The following CLIC5 variants were observed in gnomAD, a reference collection of about 807,000 sequenced individuals.
CLIC5 encodes the protein chloride intracellular channel protein 5.
A neutral mutation model predicts 24.7 loss-of-function variants in CLIC5; 20 were observed. The observed-to-expected ratio is 0.81, with a 90% confidence interval of 0.57 to 1.18. The LOEUF is 1.18. Ranked by LOEUF, CLIC5 falls within the 50% of genes most tolerant of loss-of-function variation. CLIC5 has a pLI of 0.00. For missense variants in CLIC5, 341 were observed against 326.1 expected (o/e 1.05, Z -0.35); for synonymous variants, 159 against 135.6 (o/e 1.17, Z -1.20).
intron 3 of CLIC5, among the ~76,000 whole-genome samples, chr6:45,948,356 C>A (rs931665075): frequency 6.6e-6 from 1 of 152,142 alleles, no homozygotes; most frequent in Non-Finnish European, 1.5e-5. Flanking sequence ...TCACCAATGG[C>A]TCCCCAGAAT....
chr6:45,968,134 T>G (rs1253612207), intron 1 of CLIC5, among the ~76,000 whole-genome samples: 1 of 152,154 alleles, frequency 6.6e-6, no homozygotes, highest in Non-Finnish European at 1.5e-5. Flanking sequence ...CATAAGGCAG[T>G]CAAATGCTCA....
Position 45,978,901 on chromosome 6 carries a change from G to A in CLIC5, c.64-23657C>T, listed in dbSNP as rs188113170. ...GGATGCGGAGGTTGCAGTGAGCCAA[G>A]ATTGCACCATTGCACTCCAGCCTGG... On this transcript the variant is annotated intron_variant, in intron 1 of 5. Coordinates refer to ENST00000339561, the MANE Select transcript of CLIC5 (RefSeq NM_016929.5). Among the ~76,000 whole-genome samples, 14 of 151,452 alleles carry A rather than the reference G, an allele frequency of 9.2e-5. No homozygotes were observed. The East Asian group carries it at 2.7e-3, about 29-fold the overall frequency.
chr6:46,065,120 G>A (rs1461860423), intron 1 of CLIC5, among the ~76,000 whole-genome samples: 1 of 152,068 alleles, frequency 6.6e-6, no homozygotes, highest in Non-Finnish European at 1.5e-5. Context: ...ATTTGAATAG[G>A]TGCTTCACCA....
At chr6:45,974,520 TATAGAGAGAGAGAGAG>T (rs1239172751) in intron 1 of CLIC5, among the ~76,000 whole-genome samples, 123 of 66,938 alleles carry the variant, frequency 1.8e-3, no homozygotes, top group African/African-American at 7.5e-3. Flanking sequence ...TATATATATA[TATAGAGAGAGAGAGAG>T]AGAGAGAGAG....
In CLIC5 at chr6:45,944,682, C is replaced by T. The variant is rs567709913; in HGVS notation, c.300-3029G>A. ...TGACTTCTCACTGACTAGCCACAGC[C>T]AACCAAGACACTGAACAAAAGGATA... On this transcript the variant is annotated intron_variant, in intron 3 of 5. Coordinates refer to ENST00000339561, the MANE Select transcript of CLIC5 (RefSeq NM_016929.5). Among the ~76,000 whole-genome samples, 6 of 152,152 alleles carry T rather than the reference C, an allele frequency of 3.9e-5. No individual in the cohort carries two copies. The South Asian group carries it at 1.0e-3, about 26-fold the overall frequency.
At chr6:45,925,177 A>G (rs376734604) in intron 4 of CLIC5, among the ~76,000 whole-genome samples, 1 of 152,248 alleles carries the variant, frequency 6.6e-6, no homozygotes, top group African/African-American at 2.4e-5. Context: ...CATGGTTCAT[A>G]GTAAAATGCT....
chr6:46,058,418 C>A (rs1015419576), intron 1 of CLIC5, among the ~76,000 whole-genome samples: 1 of 152,186 alleles, frequency 6.6e-6, no homozygotes, highest in East Asian at 1.9e-4. Context: ...AAGGAATTTC[C>A]TCCAAGGCTA....
chr6:46,011,723 T>C (rs1581860877), intron 1 of CLIC5, among the ~76,000 whole-genome samples: 1 of 152,312 alleles, frequency 6.6e-6, no homozygotes, highest in South Asian at 2.1e-4. Flanking sequence ...GCACATCCTG[T>C]GTTTGTCTTT....
At chr6:45,964,019 A>G (rs2127396608) in intron 1 of CLIC5, among the ~76,000 whole-genome samples, 1 of 152,302 alleles carries the variant, frequency 6.6e-6, no homozygotes, top group Non-Finnish European at 1.5e-5. Context: ...TGGCCTTGGT[A>G]TGTCTTCCAA....
intron 5 of CLIC5, among the ~76,000 whole-genome samples, chr6:45,907,348 A>G (rs1762688869): frequency 6.6e-6 from 1 of 152,206 alleles, no homozygotes; most frequent in South Asian, 2.1e-4. Context: ...GTGTATGTTG[A>G]ACCAACCATG....
chr6:45,913,841 G>A lies in CLIC5; in HGVS notation c.588+387C>T. 9.3e-6 allele frequency: 11 copies of A among 1,185,654 alleles called. No individual in the cohort carries two copies. In the South Asian group the frequency reaches 4.3e-4, roughly 46 times the overall value. 73.4% of individuals were successfully genotyped at this position (1,185,654 alleles called of 1,614,324 possible). ...TGCACAAAGAAAAAATGCATATGAG[G>A]GCACATTTAATAGAGCTGTAGGGGT... On this transcript the variant is annotated intron_variant, in intron 5 of 5. Transcript: ENST00000339561.
intron 2 of CLIC5, among the ~76,000 whole-genome samples, chr6:45,950,672 C>T (rs1342605941): frequency 6.6e-6 from 1 of 152,156 alleles, no homozygotes; most frequent in Non-Finnish European, 1.5e-5. Context: ...TTGGTAAAAA[C>T]TTCAATCCAG....
At chr6:46,119,574 C>T in the CLIC5 span, among the ~76,000 whole-genome samples, 103 of 152,310 alleles carry the variant, frequency 6.8e-4, no homozygotes, top group South Asian at 1.2e-3. Context: ...TGAGGCTTGT[C>T]GGACAGTGGG....
intron 4 of CLIC5, among the ~76,000 whole-genome samples, chr6:45,930,719 C>T (rs1763704003): frequency 6.6e-6 from 1 of 152,166 alleles, no homozygotes; most frequent in Admixed American, 6.5e-5. Flanking sequence ...AAATTAATAG[C>T]AGCAGCAGCA....
rs375046181 is a variant in CLIC5, at chr6:45,899,927, G to A, written c.*3161C>T. 1 of 152,274 alleles carries A rather than the reference G, an allele frequency of 6.6e-6. No individual in the cohort carries two copies. Among genetic ancestry groups the A allele is most frequent in the East Asian group, 1.9e-4 (1 of 5,188 alleles). The allele number at this position is 152,274 out of a possible 1,614,324, so 9.4% of individuals were successfully genotyped here. On this transcript the variant is annotated 3_prime_UTR_variant, in exon 6 of 6. Coordinates refer to ENST00000339561, the MANE Select transcript of CLIC5 (RefSeq NM_016929.5). ...ATTTCAGCTCATTTGCTTAGTGCTA[G>A]GTCACTCTACCTCTCGTTTAAAAGA... is the stretch of plus-strand genomic sequence containing the variant.
At chr6:45,948,776 TC>T (rs2127378872) in intron 3 of CLIC5, among the ~76,000 whole-genome samples, 1 of 152,286 alleles carries the variant, frequency 6.6e-6, no homozygotes, top group African/African-American at 2.4e-5. Flanking sequence ...ATTTTTTTCA[TC>T]TGTTTAATTG....
chr6:45,883,523 T>C (rs1455932364), intron 6 of CLIC5, among the ~76,000 whole-genome samples: 1 of 152,190 alleles, frequency 6.6e-6, no homozygotes, highest in Non-Finnish European at 1.5e-5. Flanking sequence ...GGCAGTGTCA[T>C]CACTGAGGAG....
chr6:46,082,210 A>T (rs1247199323), upstream of CLIC5, among the ~76,000 whole-genome samples: 1 of 152,152 alleles, frequency 6.6e-6, no homozygotes, highest in Admixed American at 6.5e-5. Flanking sequence ...GTGCATATGG[A>T]TACAGCATGT....
At chr6:45,922,435 GA>G (rs1293829609) in intron 4 of CLIC5, among the ~76,000 whole-genome samples, 2 of 152,106 alleles carry the variant, frequency 1.3e-5, no homozygotes, top group Admixed American at 6.5e-5. Flanking sequence ...TTCTTATAAA[GA>G]AGCATCTTTT....
Sources: gnomAD v4.1 joint callset for allele counts (sites outside exome capture counted in the v4.1 genomes callset) on GRCh38, gnomAD v4.1.1 for gene constraint, MANE v1.5 for transcripts, NCBI Gene and HGNC (gene_info 2026-07-23, HGNC 2026-07-21) for gene names.